Variants in CMTM7 observed in about 807,000 individuals in gnomAD.
CMTM7 encodes the protein CKLF-like MARVEL transmembrane domain-containing protein 7.
In CMTM7, 7 loss-of-function variants were observed where a neutral mutation model predicts 19.3. The observed-to-expected ratio is 0.36, with a 90% CI of 0.21 to 0.68. CMTM7 has a LOEUF of 0.68. CMTM7 is among the 30% of genes least tolerant of loss of function. The pLI is 0.60. For missense variants in CMTM7, 193 were observed against 232.6 expected (o/e 0.83, Z 1.11); for synonymous variants, 87 against 99.3 (o/e 0.88, Z 0.74).
rs1341250610 is a variant in CMTM7, at chr3:32,392,276, G to T, written c.159+211G>T. On this transcript the variant is annotated intron_variant, in intron 1 of 4. Transcript: ENST00000334983. ...GCGCTGGAGCTCAGTCCCCAGAGCCGCCCCGGCCCTTGCTCCCGCGGACCC... is the reference window on the plus strand; with the variant it reads ...GCGCTGGAGCTCAGTCCCCAGAGCCTCCCCGGCCCTTGCTCCCGCGGACCC... Among the ~76,000 whole-genome samples, 4 of 152,182 alleles carry T rather than the reference G, an allele frequency of 2.6e-5. No individual in the cohort carries two copies. The East Asian group carries it at 7.7e-4, about 29-fold the overall frequency.
chr3:32,452,717 TTC>T (rs956694321), intron 4 of CMTM7, among the ~76,000 whole-genome samples: 9 of 151,980 alleles, frequency 5.9e-5, no homozygotes, highest in African/African-American at 2.2e-4. Context: ...CCAAGCTTTT[TTC>T]TCTTTCTTGC....
chr3:32,443,471 A>C (rs1696710604), intron 2 of CMTM7, among the ~76,000 whole-genome samples: 1 of 152,078 alleles, frequency 6.6e-6, no homozygotes. Flanking sequence ...ATTCATCTTC[A>C]GTGGACCTTT....
chr3:32,419,022 A>G (rs576864847), intron 1 of CMTM7, among the ~76,000 whole-genome samples: 4 of 152,350 alleles, frequency 2.6e-5, no homozygotes, highest in East Asian at 1.9e-4. Flanking sequence ...AATAATATCT[A>G]TGAACACGGT....
At chr3:32,438,511 G>A (rs945461303) in intron 1 of CMTM7, among the ~76,000 whole-genome samples, 1 of 151,350 alleles carries the variant, frequency 6.6e-6, no homozygotes, top group Non-Finnish European at 1.5e-5. Flanking sequence ...TTAATATGCT[G>A]GCTAAGATGC....
intron 1 of CMTM7, among the ~76,000 whole-genome samples, chr3:32,417,462 T>A (rs1329804041): frequency 6.6e-6 from 1 of 152,266 alleles, no homozygotes; most frequent in Admixed American, 6.5e-5. Context: ...TGTTCACCAG[T>A]TGAAGGACAT....
intron 1 of CMTM7, among the ~76,000 whole-genome samples, chr3:32,437,665 T>G (rs1405005144): frequency 6.6e-6 from 1 of 152,030 alleles, no homozygotes; most frequent in East Asian, 1.9e-4. Flanking sequence ...GGCCAAGGCA[T>G]GCAGATCGCA....
At position 32,454,997 on chromosome 3, in the gene CMTM7, G is replaced by C. The variant is rs919220417; in HGVS notation, c.*743G>C. On this transcript the variant is annotated 3_prime_UTR_variant, in exon 5 of 5. Transcript: ENST00000334983. The stretch of plus-strand genomic sequence containing the variant: ...TTCAGGTTTTCTCTCCATCTTGGGG[G>C]ATAGTATAGCAGGGCAGAGTTTTAG... 8 of 158,456 alleles carry C rather than the reference G, an allele frequency of 5.0e-5. No individual in the cohort carries two copies. Among genetic ancestry groups the C allele is most frequent in the Non-Finnish European group, 1.1e-4 (8 of 71,652 alleles). The allele number at this position is 158,456 out of a possible 1,614,324, so 9.8% of individuals were successfully genotyped here. A position where few individuals can be genotyped will look rare whatever the true frequency, so the allele number is the denominator to read the frequency against.
intron 1 of CMTM7, among the ~76,000 whole-genome samples, chr3:32,424,145 G>T (rs572334031): frequency 9.5e-4 from 144 of 152,302 alleles, no homozygotes; most frequent in Middle Eastern, 3.4e-3. Flanking sequence ...GAAAGCTGGG[G>T]CCAGAGTCAT....
At position 32,391,969 on chromosome 3, in the gene CMTM7, G is replaced by A. The variant is rs1695841539; in HGVS notation, c.63G>A (p.Gly21=). 3.2e-6 allele frequency: 4 copies of A among 1,232,030 alleles called. No homozygotes were observed. Among genetic ancestry groups the A allele is most frequent in the Non-Finnish European group, 4.1e-6 (4 of 986,792 alleles). The allele number at this position is 1,232,030 out of a possible 1,614,324, so 76.3% of individuals were successfully genotyped here. ...TCSSGSALGP[G]AGAAQPSASP... is the part of the protein sequence containing the mutation. The stretch of plus-strand genomic sequence containing the variant: ...GCAGCGGCAGCGCGCTCGGACCCGG[G>A]GCCGGCGCGGCCCAGCCCAGCGCGA... The change falls in exon 1 of 5, where the codon GGG becomes GGA. Residue 21 remains glycine, a synonymous_variant. Coordinates refer to ENST00000334983, the MANE Select transcript of CMTM7 (RefSeq NM_138410.4).
chr3:32,400,593 G>A (rs539736297), intron 1 of CMTM7, among the ~76,000 whole-genome samples: 2 of 151,750 alleles, frequency 1.3e-5, no homozygotes, highest in South Asian at 2.1e-4. Flanking sequence ...GGGTTTCACC[G>A]TGTTAGCCAG....
intron 1 of CMTM7, among the ~76,000 whole-genome samples, chr3:32,422,060 T>G (rs940177623): frequency 2.0e-5 from 3 of 152,188 alleles, no homozygotes; most frequent in Admixed American, 6.5e-5. Flanking sequence ...TGTTTGGCCT[T>G]CCTTCCTCTG....
Position 32,449,444 on chromosome 3 carries a change from C to T in CMTM7, c.334-10C>T. 6.2e-7 allele frequency: 1 copy of T among 1,604,740 alleles called. No individual in the cohort carries two copies. Among genetic ancestry groups the T allele is most frequent in the Non-Finnish European group, 8.5e-7 (1 of 1,171,404 alleles). ...CCCTACCCACTTATTTGCTTTGTTT[C>T]TGCCCCCAGGAACTTCTGCACTATT... is the stretch of plus-strand genomic sequence containing the variant. On this transcript the variant is annotated splice_polypyrimidine_tract_variant and intron_variant, in intron 2 of 4. Coordinates refer to ENST00000334983, the MANE Select transcript of CMTM7 (RefSeq NM_138410.4). This position sits in a 1 kb window ranked among gnomAD's most constrained non-coding sequence, Gnocchi z 4.5.
intron 1 of CMTM7, among the ~76,000 whole-genome samples, chr3:32,399,763 G>A (rs560125461): frequency 2.0e-5 from 3 of 152,194 alleles, no homozygotes; most frequent in Non-Finnish European, 4.4e-5. Flanking sequence ...AGAGTAAAAA[G>A]CAGCAAAGAA....
intron 1 of CMTM7, among the ~76,000 whole-genome samples, chr3:32,416,589 G>T (rs985551635): frequency 2.0e-5 from 3 of 151,204 alleles, no homozygotes; most frequent in Admixed American, 1.3e-4. Flanking sequence ...ACGGGGTTTC[G>T]CCTTGTTAGC....
chr3:32,411,123 A>T (rs1696167865), intron 1 of CMTM7, among the ~76,000 whole-genome samples: 1 of 152,204 alleles, frequency 6.6e-6, no homozygotes, highest in South Asian at 2.1e-4. Context: ...ACAGCTGTGA[A>T]TGAGGCAGAG....
chr3:32,394,144 C>T (rs1695881127), intron 1 of CMTM7, among the ~76,000 whole-genome samples: 1 of 152,180 alleles, frequency 6.6e-6, no homozygotes, highest in Non-Finnish European at 1.5e-5. Context: ...TGTATTAGTC[C>T]TAGTTAGGGC....
In CMTM7 at chr3:32,441,966, C is replaced by G. The variant is rs774130476; in HGVS notation, c.286C>G (p.Leu96Val). ...GATCCTCGCCTTTTACCTGGTCCAC[C>G]TCTTCCGCTTCTACCGCGTGCTCAC... ...IMILAFYLVHLFRFYRVLTCI... is the reference protein window; with the variant it reads ...IMILAFYLVHVFRFYRVLTCI... The change falls in exon 2 of 5, where the codon CTC becomes GTC. Residue 96 changes from leucine to valine, a missense_variant. Leu to Val is a conservative substitution (Grantham distance 32). Coordinates refer to ENST00000334983, the MANE Select transcript of CMTM7 (RefSeq NM_138410.4). 3 of 1,614,082 alleles carry G rather than the reference C, an allele frequency of 1.9e-6. No individual in the cohort carries two copies. The highest frequency in any genetic ancestry group is 2.5e-6 in the Non-Finnish European group (3 of 1,180,052).
At chr3:32,416,177 T>A (rs1460601432) in intron 1 of CMTM7, among the ~76,000 whole-genome samples, 3 of 147,748 alleles carry the variant, frequency 2.0e-5, no homozygotes, top group African/African-American at 7.5e-5. Flanking sequence ...ATGATATATA[T>A]GTGCACATAA....
intron 1 of CMTM7, among the ~76,000 whole-genome samples, chr3:32,404,825 T>C (rs1158400638): frequency 6.6e-6 from 1 of 152,232 alleles, no homozygotes; most frequent in Non-Finnish European, 1.5e-5. Context: ...GGTGAAGGGA[T>C]GTTACAGAAG....
Sources: gnomAD v4.1 joint callset for allele counts (sites outside exome capture counted in the v4.1 genomes callset) on GRCh38, gnomAD v4.1.1 for gene constraint, Gnocchi (gnomAD v3.1) non-coding constraint, MANE v1.5 for transcripts, NCBI Gene and HGNC (gene_info 2026-07-23, HGNC 2026-07-21) for gene names.